SSH2: variants seen among roughly 807,000 people sequenced by gnomAD.
The protein encoded by SSH2 is slingshot protein phosphatase 2.
In SSH2, 37 loss-of-function variants were observed where a neutral mutation model predicts 135.2. That is an observed-to-expected ratio of 0.27 (90% CI 0.21 to 0.36). SSH2 has a LOEUF of 0.36. SSH2 is among the 10% of genes least tolerant of loss of function. The pLI, the probability that SSH2 is intolerant of heterozygous loss-of-function variation, is 1.00. For missense variants in SSH2, 1,408 were observed against 1,765.3 expected, an observed-to-expected ratio of 0.80 and a Z score of 3.63; for synonymous variants, 628 against 646.2, an observed-to-expected ratio of 0.97 and a Z score of 0.43.
At chr17:29,821,170 C>A (rs373585364) in intron 2 of SSH2, among the ~76,000 whole-genome samples, 2 of 152,040 alleles carry the variant, frequency 1.3e-5, no homozygotes, top group Non-Finnish European at 2.9e-5. Flanking sequence ...GGGTATAAGC[C>A]CTCCTTTCCT....
At chr17:29,730,896 C>T (rs1336538024) in intron 3 of SSH2, among the ~76,000 whole-genome samples, 2 of 152,144 alleles carry the variant, frequency 1.3e-5, no homozygotes, top group Non-Finnish European at 1.5e-5. Context: ...CTGTTACCTT[C>T]AGAATACAGC....
intron 3 of SSH2, among the ~76,000 whole-genome samples, chr17:29,775,171 T>C (rs2041670455): frequency 6.6e-6 from 1 of 152,240 alleles, no homozygotes; most frequent in African/African-American, 2.4e-5. Flanking sequence ...AGGTAATTCA[T>C]GCCTATTAAT....
intron 1 of SSH2, among the ~76,000 whole-genome samples, chr17:29,921,382 T>G (rs988723537): frequency 6.6e-6 from 1 of 152,170 alleles, no homozygotes; most frequent in East Asian, 1.9e-4. Flanking sequence ...AACATTTTTA[T>G]ACAATGCTTG....
chr17:29,642,117 A>G (rs1306195809), intron 14 of SSH2, among the ~76,000 whole-genome samples: 2 of 152,112 alleles, frequency 1.3e-5, no homozygotes, highest in African/African-American at 4.8e-5. Flanking sequence ...CTGGAAAGCT[A>G]GTAAGAAAAT....
intron 3 of SSH2, among the ~76,000 whole-genome samples, chr17:29,779,121 A>G (rs1567968793): frequency 1.3e-5 from 2 of 152,088 alleles, no homozygotes; most frequent in African/African-American, 4.8e-5. Context: ...GAAGGAAGTG[A>G]AGGAGGGAGG....
rs1354614082 is a variant in SSH2, at chr17:29,632,756, T to C, written c.2438A>G (p.His813Arg). ...PCHTPKKNSI[H>R]ELLLERAQTP... ...CTGGGCCCTCTCAAGGAGCAGCTCATGGATGCTGTTCTTCTTTGGTGTATG... is the reference window on the plus strand; with the variant it reads ...CTGGGCCCTCTCAAGGAGCAGCTCACGGATGCTGTTCTTCTTTGGTGTATG... Residue 813 changes from histidine to arginine, a missense_variant, in exon 16 of 16, where the codon CAT (histidine) becomes CGT (arginine). His to Arg is a conservative substitution (Grantham distance 29). Around this residue, in one of 3 missense-constraint regions of SSH2, gnomAD observed 1,080 missense variants for 1,144.5 expected, o/e 0.94. Coordinates refer to ENST00000540801, the MANE Select transcript of SSH2 (RefSeq NM_001282129.2). 1.2e-6 allele frequency: 2 copies of C among 1,614,096 alleles called. No homozygotes were observed. The highest frequency in any genetic ancestry group is 1.7e-6 in the Non-Finnish European group (2 of 1,180,048).
intron 1 of SSH2, among the ~76,000 whole-genome samples, chr17:29,894,505 C>T (rs903793598): frequency 2.6e-5 from 4 of 152,028 alleles, no homozygotes; most frequent in South Asian, 2.1e-4. Flanking sequence ...AGATTACTTA[C>T]GATACCTACT....
chr17:29,646,889 C>T (rs777868982), intron 14 of SSH2, among the ~76,000 whole-genome samples: 62 of 152,084 alleles, frequency 4.1e-4, no homozygotes, highest in Admixed American at 7.9e-4. Context: ...TGATTTGTCA[C>T]ATGATCAAAA....
intron 1 of SSH2, among the ~76,000 whole-genome samples, chr17:29,901,691 C>T (rs535621504): frequency 1.1e-4 from 16 of 152,038 alleles, no homozygotes; most frequent in African/African-American, 3.1e-4. Flanking sequence ...TTCCTTCCTT[C>T]CCCACTCCCT....
intron 1 of SSH2, among the ~76,000 whole-genome samples, chr17:29,893,843 A>G (rs2151448218): frequency 6.6e-6 from 1 of 152,242 alleles, no homozygotes; most frequent in African/African-American, 2.4e-5. Flanking sequence ...AAATTCTTCC[A>G]TCCCTTTTAA....
At chr17:29,888,491 G>A (rs1471353726) in intron 1 of SSH2, among the ~76,000 whole-genome samples, 2 of 152,156 alleles carry the variant, frequency 1.3e-5, no homozygotes, top group African/African-American at 4.8e-5. Flanking sequence ...AGCATGGACA[G>A]CTTGGAAACT....
intron 3 of SSH2, among the ~76,000 whole-genome samples, chr17:29,725,347 C>CAAAAAA (rs11449000): frequency 0.35 from 18,247 of 52,808 alleles, 4,657 homozygotes; most frequent in Non-Finnish European, 0.39. Context: ...AATCAGTCTC[C>CAAAAAA]AAAAAAAAAA....
intron 1 of SSH2, among the ~76,000 whole-genome samples, chr17:29,849,478 C>CAAAAA (rs36026122): frequency 6.2e-5 from 3 of 48,324 alleles, no homozygotes; most frequent in Non-Finnish European, 9.1e-5. Flanking sequence ...GACTCCGTCT[C>CAAAAA]AAAAAAAAAA....
intron 3 of SSH2, chr17:29,780,731 T>C (rs895262797): frequency 1.3e-5 from 2 of 148,564 alleles, no homozygotes; most frequent in African/African-American, 5.0e-5. Context: ...TCTAAACATT[T>C]TTTTAAAGAT....
At chr17:29,644,778 C>G (rs1567839248) in intron 14 of SSH2, 1 of 151,744 alleles carries the variant, frequency 6.6e-6, no homozygotes, top group East Asian at 1.9e-4. Flanking sequence ...AGCCTGGCGA[C>G]AGAGTGAGAC....
chr17:29,872,828 T>C (rs2065961360), intron 1 of SSH2, among the ~76,000 whole-genome samples: 1 of 151,938 alleles, frequency 6.6e-6, no homozygotes. Flanking sequence ...AAACCCCATC[T>C]CTACTAAAAA....
intron 12 of SSH2, 104 bp from the exon 13 acceptor site, chr17:29,650,904 A>G: frequency 3.3e-6 from 3 of 897,738 alleles, no homozygotes; most frequent in Non-Finnish European, 4.7e-6. Context: ...ATAGACTGAA[A>G]TTAAATACAA....
chr17:29,736,990 T>C (rs1260997038), intron 3 of SSH2, among the ~76,000 whole-genome samples: 2 of 143,564 alleles, frequency 1.4e-5, no homozygotes, highest in African/African-American at 5.2e-5. Context: ...TCCCAGCTAC[T>C]CGGGAGGCTG....
At chr17:29,927,680 G>A (rs1209876295) in intron 1 of SSH2, among the ~76,000 whole-genome samples, 2 of 152,112 alleles carry the variant, frequency 1.3e-5, no homozygotes, top group Non-Finnish European at 2.9e-5. Context: ...CAAGGACCTC[G>A]AAACAACTCA....
Sources: gnomAD v4.1 joint callset for allele counts (sites outside exome capture counted in the v4.1 genomes callset) on GRCh38, gnomAD v4.1.1 for gene constraint, gnomAD v4.1.1 regional missense constraint, MANE v1.5 for transcripts, NCBI Gene and HGNC (gene_info 2026-07-23, HGNC 2026-07-21) for gene names.